Variants in FAM184B observed in about 807,000 individuals in gnomAD.
FAM184B encodes the protein protein FAM184B.
In FAM184B, 111 loss-of-function variants were observed where a neutral mutation model predicts 135.9. The ratio of observed to expected loss-of-function variants is 0.82; its 90% CI spans 0.70 to 0.96. The LOEUF is 0.96. FAM184B is among the 40% of genes least tolerant of loss of function. The pLI is 0.00. For synonymous variants in FAM184B, 552 were observed against 524.8 expected (o/e 1.05, Z -0.71); for missense variants, 1,375 against 1,323.9 (o/e 1.04, Z -0.60).
intron 1 of FAM184B, among the ~76,000 whole-genome samples, chr4:17,745,012 G>A (rs1718129802): frequency 6.6e-6 from 1 of 152,196 alleles, no homozygotes; most frequent in African/African-American, 2.4e-5. Flanking sequence ...TTTCCTCAAA[G>A]ACCTTACAGC....
At chr4:17,765,982 C>CG (rs773792710) in intron 1 of FAM184B, among the ~76,000 whole-genome samples, 3 of 152,176 alleles carry the variant, frequency 2.0e-5, no homozygotes, top group South Asian at 2.1e-4. Context: ...TCATTCCCCC[C>CG]GGCAGGTTCA....
At position 17,780,526 on chromosome 4, in the gene FAM184B, G is replaced by A. The variant is rs147763397; in HGVS notation, c.141+633C>T. 2.8e-4 allele frequency among the ~76,000 whole-genome samples: 43 copies of A among 152,194 alleles called. No individual in the cohort carries two copies. The East Asian group carries it at 8.1e-3, about 29-fold the overall frequency. ...TCTTCTTGAAAAAGACATAGTCTGGGAAGGTTCAATCAGAGCCCCCTGCAC... is the reference window on the plus strand; with the variant it reads ...TCTTCTTGAAAAAGACATAGTCTGGAAAGGTTCAATCAGAGCCCCCTGCAC... On this transcript the variant is annotated intron_variant, in intron 1 of 17. Coordinates refer to ENST00000265018, the MANE Select transcript of FAM184B (RefSeq NM_015688.2).
At chr4:17,762,913 T>A (rs1718577596) in intron 1 of FAM184B, among the ~76,000 whole-genome samples, 1 of 152,168 alleles carries the variant, frequency 6.6e-6, no homozygotes, top group African/African-American at 2.4e-5. Flanking sequence ...TACTTCCAAC[T>A]GCCAACTGCC....
chr4:17,632,647 T>G (rs771649413), intron 17 of FAM184B, 22 bp from the exon 18 acceptor site: 64 of 1,485,486 alleles, frequency 4.3e-5, no homozygotes, highest in Non-Finnish European at 5.8e-5. Flanking sequence ...AAAAGGTTTT[T>G]TTATATGGTT....
chr4:17,750,344 C>T (rs190655511), intron 1 of FAM184B, among the ~76,000 whole-genome samples: 2 of 152,292 alleles, frequency 1.3e-5, no homozygotes, highest in African/African-American at 4.8e-5. Context: ...CTTTAATTCT[C>T]AGAGATGCCA....
chr4:17,706,441 TG>T, intron 3 of FAM184B, among the ~76,000 whole-genome samples: 1 of 152,310 alleles, frequency 6.6e-6, no homozygotes, highest in South Asian at 2.1e-4. Context: ...CAAAGCATGC[TG>T]TGGGCCGTAA....
intron 7 of FAM184B, among the ~76,000 whole-genome samples, chr4:17,670,077 A>G (rs536758870): frequency 6.6e-6 from 1 of 152,366 alleles, no homozygotes; most frequent in South Asian, 2.1e-4. Flanking sequence ...TTGCAAGAAC[A>G]TTAGAAAGCA....
chr4:17,725,198 T>G (rs1266735684), intron 1 of FAM184B, among the ~76,000 whole-genome samples: 2 of 152,106 alleles, frequency 1.3e-5, no homozygotes, highest in Non-Finnish European at 2.9e-5. Context: ...TACTCAGTAT[T>G]GTATCCTCAC....
intron 1 of FAM184B, among the ~76,000 whole-genome samples, chr4:17,772,210 T>C (rs1356586230): frequency 6.6e-6 from 1 of 152,202 alleles, no homozygotes. Flanking sequence ...TCATTTCACG[T>C]ATAACTTTGA....
At chr4:17,659,915 A>G in intron 9 of FAM184B, 43 bp downstream of exon 9, 1 of 1,546,000 alleles carries the variant, frequency 6.5e-7, no homozygotes, top group Non-Finnish European at 8.7e-7. Context: ...AGGAGGGGGC[A>G]GGATCTCAGG....
At chr4:17,740,126 C>A (rs1388791293) in intron 1 of FAM184B, among the ~76,000 whole-genome samples, 1 of 151,712 alleles carries the variant, frequency 6.6e-6, no homozygotes, top group Non-Finnish European at 1.5e-5. Context: ...CTGAGGTGGG[C>A]GGATCGCAGG....
chr4:17,772,981 T>G (rs1718851231), intron 1 of FAM184B, among the ~76,000 whole-genome samples: 1 of 152,110 alleles, frequency 6.6e-6, no homozygotes, highest in South Asian at 2.1e-4. Flanking sequence ...TATATTCCCC[T>G]TTGCAGTGGA....
In FAM184B at chr4:17,630,371, T is replaced by C. The variant is rs979077104; in HGVS notation, c.*2161A>G. On this transcript the variant is annotated 3_prime_UTR_variant, in exon 18 of 18. Transcript: ENST00000265018. ...CAATGGAGTCATGAGGGCTTCACCC[T>C]CATGAGTAGGATAAGTACCCTTACA... 3.9e-5 allele frequency: 6 copies of C among 152,130 alleles called. No individual in the cohort carries two copies. The highest frequency in any genetic ancestry group is 1.4e-4 in the African/African-American group (6 of 41,440). The allele number at this position is 152,130 out of a possible 1,614,324, so 9.4% of individuals were successfully genotyped here. A position where few individuals can be genotyped will look rare whatever the true frequency, so the allele number is the denominator to read the frequency against.
At chr4:17,768,468 T>C (rs1718745099) in intron 1 of FAM184B, among the ~76,000 whole-genome samples, 1 of 152,192 alleles carries the variant, frequency 6.6e-6, no homozygotes, top group Non-Finnish European at 1.5e-5. Context: ...AGAGACGGGG[T>C]GTCACCATAT....
intron 1 of FAM184B, among the ~76,000 whole-genome samples, chr4:17,712,393 C>A (rs572283649): frequency 3.6e-4 from 55 of 152,016 alleles, no homozygotes; most frequent in Non-Finnish European, 6.6e-4. Flanking sequence ...CTGGTGTAGA[C>A]GCCGTGGAGT....
rs1473816227 is a variant in FAM184B at position 17,630,017 on chromosome 4, T to C, written c.*2515A>G. ...TAACAAAGATATAATCATTGCAGGG[T>C]AGAATTTAGAAATTTAAGACTGAAA... is the stretch of plus-strand genomic sequence containing the variant. On this transcript the variant is annotated 3_prime_UTR_variant, in exon 18 of 18. Transcript: ENST00000265018. 6.6e-6 allele frequency: 1 copy of C among 152,162 alleles called. No homozygotes were observed. Among genetic ancestry groups the C allele is most frequent in the African/African-American group, 2.4e-5 (1 of 41,444 alleles). 9.4% of individuals were successfully genotyped at this position (152,162 alleles called of 1,614,324 possible).
rs1201729047 is a variant in FAM184B, at chr4:17,642,039, C to T, written c.2519+17G>A. On this transcript the variant is annotated intron_variant, in intron 13 of 17. Coordinates refer to ENST00000265018, the MANE Select transcript of FAM184B (RefSeq NM_015688.2). ...GGGTGAGGGTGGCGCGGTGGCGGGG[C>T]GCGCCGGGTCACCCACCTGCGCTGG... 1 of 1,517,780 alleles carries T rather than the reference C, an allele frequency of 6.6e-7. No homozygotes were observed. The allele number at this position is 1,517,780 out of a possible 1,614,324, so 94.0% of individuals were successfully genotyped here. A position where few individuals can be genotyped will look rare whatever the true frequency, so the allele number is the denominator to read the frequency against.
At chr4:17,698,609 C>T (rs916577436) in intron 5 of FAM184B, among the ~76,000 whole-genome samples, 1 of 151,964 alleles carries the variant, frequency 6.6e-6, no homozygotes, top group Non-Finnish European at 1.5e-5. Context: ...GCAATAATAC[C>T]AACACTGATA....
chr4:17,682,810 C>A (rs1324472155), intron 7 of FAM184B, among the ~76,000 whole-genome samples: 1 of 152,116 alleles, frequency 6.6e-6, no homozygotes, highest in African/African-American at 2.4e-5. Flanking sequence ...GTTTTTATTT[C>A]TCTTGACTCA....
Sources: gnomAD v4.1 joint callset for allele counts (sites outside exome capture counted in the v4.1 genomes callset) on GRCh38, gnomAD v4.1.1 for gene constraint, MANE v1.5 for transcripts, NCBI Gene and HGNC (gene_info 2026-07-23, HGNC 2026-07-21) for gene names.